PDZD8: variants seen among roughly 807,000 people sequenced by gnomAD.
PDZD8 encodes PDZ domain containing 8, also known as PDZ domain-containing protein 8.
In PDZD8, 14 loss-of-function variants were observed where a neutral mutation model predicts 85.8. The observed-to-expected ratio is 0.16, with a 90% CI of 0.11 to 0.26. The LOEUF is 0.26. PDZD8 is among the 10% of genes least tolerant of loss of function. PDZD8 has a pLI of 1.00. For synonymous variants in PDZD8, 592 were observed against 568.6 expected (o/e 1.04, Z -0.59); for missense variants, 1,197 against 1,424.3 (o/e 0.84, Z 2.57).
intron 2 of PDZD8, among the ~76,000 whole-genome samples, chr10:117,327,541 CTAT>C (rs1844338794): frequency 6.6e-6 from 1 of 151,980 alleles, no homozygotes; most frequent in Admixed American, 6.6e-5. Flanking sequence ...GGTTTTTTTT[CTAT>C]TGTTCTGTTT....
chr10:117,305,459 TATACACACACATACAC>T (rs201721339), intron 3 of PDZD8, among the ~76,000 whole-genome samples: 6 of 100,176 alleles, frequency 6.0e-5, no homozygotes, highest in Non-Finnish European at 4.2e-5. Context: ...CACACACATA[TATACACACACATACAC>T]ACACACACAC....
intron 1 of PDZD8, among the ~76,000 whole-genome samples, chr10:117,368,443 A>C (rs961339227): frequency 4.6e-5 from 7 of 152,220 alleles, no homozygotes; most frequent in Admixed American, 3.3e-4. Flanking sequence ...CACTATTATA[A>C]CCATCAAGGA....
intron 2 of PDZD8, among the ~76,000 whole-genome samples, chr10:117,330,105 C>A (rs568133983): frequency 2.6e-4 from 39 of 148,516 alleles, no homozygotes; most frequent in Admixed American, 1.7e-3. Flanking sequence ...GAAAGGAAAA[C>A]CCTGCACTTG....
At chr10:117,322,573 A>C (rs911357556) in intron 2 of PDZD8, among the ~76,000 whole-genome samples, 11 of 152,138 alleles carry the variant, frequency 7.2e-5, no homozygotes, top group Non-Finnish European at 1.2e-4. Context: ...AGGGGGCACG[A>C]ACTCTAGTTT....
chr10:117,316,669 G>A (rs150272160), intron 3 of PDZD8, among the ~76,000 whole-genome samples: 24 of 152,252 alleles, frequency 1.6e-4, no homozygotes, highest in African/African-American at 4.6e-4. Context: ...TAGCCTGGGT[G>A]ACAGAGCGAG....
intron 1 of PDZD8, among the ~76,000 whole-genome samples, chr10:117,366,244 T>C (rs934481289): frequency 1.3e-5 from 2 of 152,148 alleles, no homozygotes; most frequent in Non-Finnish European, 2.9e-5. Context: ...TACTTCTGTT[T>C]GTGTTTATTT....
Position 117,375,019 on chromosome 10 carries a change from G to C in PDZD8, c.209C>G (p.Ser70Cys), listed in dbSNP as rs1419959730. 3 of 1,588,082 alleles carry C rather than the reference G, an allele frequency of 1.9e-6. No homozygotes were observed. Among genetic ancestry groups the C allele is most frequent in the Non-Finnish European group, 8.6e-7 (1 of 1,167,772 alleles). ...LYGGGRDEEP[S>C]GAAPEGGATP... ...CGCGCCGCCCTCAGGGGCCGCTCCG[G>C]AGGGCTCCTCATCCCGGCCGCCGCC... Residue 70 changes from serine to cysteine, a missense_variant, in exon 1 of 5, where the codon TCC becomes TGC. Ser to Cys is a moderately radical substitution (Grantham distance 112). Transcript: ENST00000334464.
rs113375431 is a variant in PDZD8 at position 117,341,055 on chromosome 10, T to C, written c.920A>G (p.Asp307Gly). Residue 307 changes from aspartate (D) to glycine (G), a missense_variant, in exon 2 of 5, where the codon GAT (aspartate) becomes GGT (glycine). Transcript: ENST00000334464. ...TTGTTGTATATGGATATGCTCTTCA[T>C]CTTCTTCAAATCCTTGCAAGGTCTG... Reference protein sequence around the residue: ...PYQTLQGFEEDEEHIHIQQWA... With the variant: ...PYQTLQGFEEGEEHIHIQQWA... 1 of 1,613,798 alleles carries C rather than the reference T, an allele frequency of 6.2e-7. No individual in the cohort carries two copies. Among genetic ancestry groups the C allele is most frequent in the Non-Finnish European group, 8.5e-7 (1 of 1,179,710 alleles).
At chr10:117,346,363 AC>A (rs1844709529) in intron 1 of PDZD8, among the ~76,000 whole-genome samples, 1 of 152,100 alleles carries the variant, frequency 6.6e-6, no homozygotes, top group South Asian at 2.1e-4. Context: ...GATCCCCCCA[AC>A]CACCTGATTG....
Position 117,374,210 on chromosome 10 carries a change from C to T in PDZD8, c.872+146G>A. On this transcript the variant is annotated intron_variant, in intron 1 of 4. Coordinates refer to ENST00000334464, the MANE Select transcript of PDZD8 (RefSeq NM_173791.5). This position sits in a 1 kb window ranked among gnomAD's most constrained non-coding sequence, Gnocchi z 7.8. ...AGCAAAGCAAGTGTTCACGACTCGC[C>T]TTGATCTGGGGCCCTGTCCAGGGTG... is the stretch of plus-strand genomic sequence containing the variant. 4 of 1,301,544 alleles carry T rather than the reference C, an allele frequency of 3.1e-6. No individual in the cohort carries two copies. Among genetic ancestry groups the T allele is most frequent in the Non-Finnish European group, 2.1e-6 (2 of 964,814 alleles). 80.6% of individuals were successfully genotyped at this position (1,301,544 alleles called of 1,614,324 possible). A position where few individuals can be genotyped will look rare whatever the true frequency, so the allele number is the denominator to read the frequency against.
chr10:117,364,828 G>A (rs545147748), intron 1 of PDZD8, among the ~76,000 whole-genome samples: 3 of 151,838 alleles, frequency 2.0e-5, no homozygotes, highest in South Asian at 4.2e-4. Context: ...GGACATCCAT[G>A]TTACACTTCA....
Position 117,290,178 on chromosome 10 carries a change from A to G in PDZD8, c.1261+8T>C. 1 of 1,611,208 alleles carries G rather than the reference A, an allele frequency of 6.2e-7. No individual in the cohort carries two copies. The highest frequency in any genetic ancestry group is 8.5e-7 in the Non-Finnish European group (1 of 1,178,802). On this transcript the variant is annotated splice_region_variant and intron_variant, in intron 4 of 4. Coordinates refer to ENST00000334464, the MANE Select transcript of PDZD8 (RefSeq NM_173791.5). ...AAGGTAAAGTATAATGCATATTAGC[A>G]TAATTACCTCCAATGGCGATAAGTC...
chr10:117,308,353 T>C (rs533298487), intron 3 of PDZD8, among the ~76,000 whole-genome samples: 1 of 152,128 alleles, frequency 6.6e-6, no homozygotes, highest in South Asian at 2.1e-4. Flanking sequence ...AAGGGTCTTA[T>C]AAACTTGTAC....
intron 4 of PDZD8, chr10:117,285,726 A>G (rs765397364): frequency 1.7e-6 from 2 of 1,161,128 alleles, no homozygotes; most frequent in Non-Finnish European, 1.1e-6. Context: ...CAGGATCCCA[A>G]AAAGAGTGCC....
At chr10:117,312,767 T>C (rs1844060336) in intron 3 of PDZD8, among the ~76,000 whole-genome samples, 1 of 152,178 alleles carries the variant, frequency 6.6e-6, no homozygotes, top group Admixed American at 6.6e-5. Context: ...ACTAATTTTT[T>C]TCCCATCCAT....
chr10:117,288,126 C>A (rs1844696799), intron 4 of PDZD8, among the ~76,000 whole-genome samples: 1 of 152,134 alleles, frequency 6.6e-6, no homozygotes, highest in African/African-American at 2.4e-5. Flanking sequence ...ATTTCAAACA[C>A]ACTCAAAAGC....
chr10:117,324,819 CT>C (rs529471061), intron 2 of PDZD8, among the ~76,000 whole-genome samples: 63 of 152,094 alleles, frequency 4.1e-4, no homozygotes, highest in Non-Finnish European at 8.4e-4. Context: ...TTTAAAGAAA[CT>C]TTTTTTTCTT....
chr10:117,353,520 G>A (rs961101415), intron 1 of PDZD8, among the ~76,000 whole-genome samples: 3 of 150,774 alleles, frequency 2.0e-5, no homozygotes, highest in Non-Finnish European at 3.0e-5. Flanking sequence ...AGTCATTTCT[G>A]AGAATCTACA....
At position 117,279,764 on chromosome 10, in the gene PDZD8, T is replaced by C. The variant is rs537667507; in HGVS notation, c.*3504A>G. 1 of 152,304 alleles carries C rather than the reference T, an allele frequency of 6.6e-6. No individual in the cohort carries two copies. The highest frequency in any genetic ancestry group is 2.1e-4 in the South Asian group (1 of 4,824). 9.4% of individuals were successfully genotyped at this position (152,304 alleles called of 1,614,324 possible). On this transcript the variant is annotated 3_prime_UTR_variant, in exon 5 of 5. Transcript: ENST00000334464. ...CCATTTGACTTAATCCCGGGGGAGT[T>C]TGTAAAACCGTTGAAATCTGATACA... is the stretch of plus-strand genomic sequence containing the variant.
Sources: gnomAD v4.1 joint callset for allele counts (sites outside exome capture counted in the v4.1 genomes callset) on GRCh38, gnomAD v4.1.1 for gene constraint, Gnocchi (gnomAD v3.1) non-coding constraint, MANE v1.5 for transcripts, NCBI Gene and HGNC (gene_info 2026-07-23, HGNC 2026-07-21) for gene names.